Variants in ADAMTSL3 observed in about 807,000 individuals in gnomAD.
The protein encoded by ADAMTSL3 is ADAMTS-like protein 3.
ADAMTSL3 carries 128 observed loss-of-function variants against 201.7 expected under a neutral mutation model. That is an observed-to-expected ratio of 0.63 (90% CI 0.55 to 0.73). ADAMTSL3 has a LOEUF of 0.73. ADAMTSL3 is among the 30% of genes least tolerant of loss of function. ADAMTSL3 has a pLI of 0.00. For missense variants in ADAMTSL3, 1,990 were observed against 2,119.6 expected, an observed-to-expected ratio of 0.94 and a Z score of 1.20; for synonymous variants, 738 against 748.4, an observed-to-expected ratio of 0.99 and a Z score of 0.23.
chr15:83,922,018 C>A (rs1315841678), intron 16 of ADAMTSL3, among the ~76,000 whole-genome samples: 1 of 152,158 alleles, frequency 6.6e-6, no homozygotes, highest in East Asian at 1.9e-4. Context: ...AAAAATGATG[C>A]TGACGTTTCA....
chr15:83,788,667 C>T (rs571898152), intron 4 of ADAMTSL3, among the ~76,000 whole-genome samples: 184 of 152,188 alleles, frequency 1.2e-3, no homozygotes, highest in African/African-American at 4.1e-3. Context: ...AATTTCCTAA[C>T]GTTATGCCTT....
chr15:83,711,127 G>A (rs7168677), intron 3 of ADAMTSL3, among the ~76,000 whole-genome samples: 15,505 of 151,420 alleles, frequency 0.1, 916 homozygotes, highest in East Asian at 0.28. Flanking sequence ...CCTTTTCCTC[G>A]TTTAACTATT....
chr15:84,018,250 A>C (rs966931631), intron 25 of ADAMTSL3, among the ~76,000 whole-genome samples: 5 of 152,220 alleles, frequency 3.3e-5, no homozygotes, highest in African/African-American at 1.2e-4. Context: ...AATCACACAC[A>C]CACACATTGT....
At chr15:83,894,113 C>T (rs995954203) in intron 13 of ADAMTSL3, among the ~76,000 whole-genome samples, 4 of 152,062 alleles carry the variant, frequency 2.6e-5, no homozygotes, top group Admixed American at 6.6e-5. Flanking sequence ...GTGCCCAGTA[C>T]TTCAGAGGCA....
intron 19 of ADAMTSL3, among the ~76,000 whole-genome samples, chr15:83,947,672 T>C (rs2066679364): frequency 6.6e-6 from 1 of 152,222 alleles, no homozygotes; most frequent in African/African-American, 2.4e-5. Flanking sequence ...GGTGTTTTTA[T>C]TTTTTCTACT....
chr15:83,957,192 G>A (rs144439904), intron 19 of ADAMTSL3, among the ~76,000 whole-genome samples: 46 of 152,258 alleles, frequency 3.0e-4, no homozygotes, highest in African/African-American at 9.9e-4. Context: ...AGTGACAAGC[G>A]TGTATATAAA....
chr15:83,979,840 C>T (rs2067353224), intron 20 of ADAMTSL3, among the ~76,000 whole-genome samples: 1 of 152,232 alleles, frequency 6.6e-6, no homozygotes, highest in Non-Finnish European at 1.5e-5. Flanking sequence ...GTCAAATTGT[C>T]TTTCAGTGAA....
chr15:83,892,643 A>T (rs1399472711), intron 12 of ADAMTSL3, 41 bp from the exon 13 acceptor site: 1 of 1,551,176 alleles, frequency 6.4e-7, no homozygotes, highest in Admixed American at 1.9e-5. Flanking sequence ...CTTCAAACAA[A>T]CAACAAATAA....
At chr15:83,672,824 C>T (rs940998402) in intron 2 of ADAMTSL3, among the ~76,000 whole-genome samples, 5 of 152,198 alleles carry the variant, frequency 3.3e-5, no homozygotes, top group Admixed American at 1.3e-4. Context: ...CCCAGTCAGG[C>T]CTTTGCTGGG....
chr15:83,682,897 C>T (rs1254812225), intron 2 of ADAMTSL3, among the ~76,000 whole-genome samples: 1 of 152,138 alleles, frequency 6.6e-6, no homozygotes, highest in Non-Finnish European at 1.5e-5. Flanking sequence ...GATTTGCCTC[C>T]CATTAACTTT....
intron 3 of ADAMTSL3, among the ~76,000 whole-genome samples, chr15:83,714,626 C>T (rs2061975382): frequency 6.6e-6 from 1 of 151,930 alleles, no homozygotes; most frequent in African/African-American, 2.4e-5. Context: ...TGCTTGCTTC[C>T]TAGGCCTCCT....
chr15:83,804,602 C>A (rs1386511830), intron 4 of ADAMTSL3, 48 bp from the exon 5 acceptor site: 17 of 1,015,844 alleles, frequency 1.7e-5, no homozygotes, highest in African/African-American at 3.5e-5. Context: ...ATGCTTGCCT[C>A]TTCTATGAAA....
intron 20 of ADAMTSL3, 59 bp downstream of exon 20, chr15:83,970,696 A>G (rs1171493117): frequency 4.4e-6 from 7 of 1,587,886 alleles, no homozygotes; most frequent in Admixed American, 1.7e-5. Flanking sequence ...TTTTGTCCCG[A>G]TGTCTTTATT....
At chr15:83,884,919 C>T (rs930094939) in intron 9 of ADAMTSL3, among the ~76,000 whole-genome samples, 182 bp from the exon 10 acceptor site, 3 of 152,180 alleles carry the variant, frequency 2.0e-5, no homozygotes, top group Non-Finnish European at 4.4e-5. Context: ...CCTGAGCCCC[C>T]ATTTATGACA....
intron 5 of ADAMTSL3, among the ~76,000 whole-genome samples, chr15:83,809,155 G>A (rs2063653163): frequency 1.3e-5 from 2 of 152,072 alleles, no homozygotes; most frequent in Non-Finnish European, 2.9e-5. Flanking sequence ...CCACCACAAA[G>A]AAATGATAAA....
chr15:83,852,289 T>C (rs1450863381), intron 7 of ADAMTSL3, among the ~76,000 whole-genome samples: 1 of 151,972 alleles, frequency 6.6e-6, no homozygotes, highest in Non-Finnish European at 1.5e-5. Flanking sequence ...ATTTTTGTAT[T>C]TTTTAGTAGA....
At chr15:83,848,112 A>G (rs2064538364) in intron 7 of ADAMTSL3, among the ~76,000 whole-genome samples, 1 of 152,104 alleles carries the variant, frequency 6.6e-6, no homozygotes, top group South Asian at 2.1e-4. Context: ...TGTAACATGA[A>G]AAATACTCGA....
intron 4 of ADAMTSL3, among the ~76,000 whole-genome samples, chr15:83,780,323 T>A (rs1289622307): frequency 6.6e-6 from 1 of 150,394 alleles, no homozygotes; most frequent in Non-Finnish European, 1.5e-5. Flanking sequence ...GGCAGGAGAA[T>A]CACTTGAATC....
intron 9 of ADAMTSL3, among the ~76,000 whole-genome samples, chr15:83,871,960 A>G (rs1241074472): frequency 6.6e-6 from 1 of 152,200 alleles, no homozygotes; most frequent in Non-Finnish European, 1.5e-5. Context: ...TTGTCACGGA[A>G]TGTTTCACTG....
Sources: allele counts gnomAD v4.1 joint callset (sites outside exome capture counted in the v4.1 genomes callset), GRCh38; gene constraint gnomAD v4.1.1; transcripts MANE v1.5; gene names NCBI Gene and HGNC (gene_info 2026-07-23, HGNC 2026-07-21).